The following CDKL5 variants were observed in gnomAD, a reference collection of about 807,000 sequenced individuals.
The protein encoded by CDKL5 is cyclin dependent kinase like 5.
A neutral mutation model predicts 61.7 loss-of-function variants in CDKL5; 8 were observed. That is an observed-to-expected ratio of 0.13 (90% CI 0.08 to 0.23). CDKL5 has a LOEUF of 0.23. CDKL5 is among the 10% of genes least tolerant of loss of function. The pLI, the probability that CDKL5 is intolerant of heterozygous loss-of-function variation, is 1.00. For synonymous variants in CDKL5, 275 were observed against 272.3 expected (o/e 1.01, Z -0.10); for missense variants, 440 against 734.5 (o/e 0.60, Z 4.63).
intron 1 of CDKL5, among the ~76,000 whole-genome samples, chrX:18,497,114 T>C (rs1287542366): frequency 9.1e-6 from 1 of 110,094 alleles, no homozygotes; most frequent in Non-Finnish European, 1.9e-5. Context: ...TGCCTCAGCC[T>C]CCCGAGTAGC....
chrX:18,487,919 G>A (rs1322420229), intron 1 of CDKL5, among the ~76,000 whole-genome samples: 1 of 110,775 alleles, frequency 9.0e-6, no homozygotes, highest in Non-Finnish European at 1.9e-5. Flanking sequence ...CCGTCTCGGG[G>A]GAAGAAAAAA....
Position 18,635,318 on chromosome X carries a change from T to C in CDKL5, c.*6561T>C, listed in dbSNP as rs1569226866. 1 of 748,462 alleles carries C rather than the reference T, an allele frequency of 1.3e-6. No homozygotes were observed. The highest frequency in any genetic ancestry group is 1.6e-6 in the Non-Finnish European group (1 of 635,319). The allele number at this position is 748,462 out of a possible 1,213,427, so 61.7% of individuals were successfully genotyped here. A position where few individuals can be genotyped will look rare whatever the true frequency, so the allele number is the denominator to read the frequency against. On this transcript the variant is annotated 3_prime_UTR_variant, in exon 18 of 18. Transcript: ENST00000623535. ...ACCTTCATTATCAGCATGAAATGGT[T>C]AATTTTTACTGAGCACAATGTATTT... is the stretch of plus-strand genomic sequence containing the variant.
At chrX:18,583,785 C>T (rs1444035760) in intron 7 of CDKL5, among the ~76,000 whole-genome samples, 3 of 111,871 alleles carry the variant, frequency 2.7e-5, no homozygotes, top group African/African-American at 9.8e-5. Context: ...GTTTCCATCA[C>T]TGTTTATGTA....
In CDKL5 at chrX:18,648,126, C is replaced by T. The variant is rs906884824; in HGVS notation, c.2797+2036C>T. ...CTGAGGCAGGAGAATCGCTTGAACC[C>T]GGGAGGCAGAGGTTTCAGTGAGCCG... is the stretch of plus-strand genomic sequence containing the variant. On this transcript the variant is annotated intron_variant, in intron 20 of 21. Transcript: ENST00000379989. 8.1e-5 allele frequency among the ~76,000 whole-genome samples: 9 copies of T among 111,317 alleles called. 1 individual carries two copies. The East Asian group carries it at 1.7e-3, about 21-fold the overall frequency.
chrX:18,518,390 T>C (rs1923116554), intron 3 of CDKL5, among the ~76,000 whole-genome samples: 1 of 34,687 alleles, frequency 2.9e-5, no homozygotes, highest in African/African-American at 1.8e-4. Flanking sequence ...CTTTTCTTAT[T>C]TTTTTTTTTT....
intron 8 of CDKL5, among the ~76,000 whole-genome samples, chrX:18,586,131 A>C (rs2147146750): frequency 8.9e-6 from 1 of 111,922 alleles, no homozygotes; most frequent in African/African-American, 3.2e-5. Context: ...TGAAAAACAA[A>C]GATGCTTAGT....
chrX:18,458,891 T>G (rs1932212074), intron 1 of CDKL5, among the ~76,000 whole-genome samples: 1 of 111,952 alleles, frequency 8.9e-6, no homozygotes, highest in African/African-American at 3.2e-5. Flanking sequence ...TAGAATGTGG[T>G]TCCACAGTTG....
At chrX:18,624,504 C>T (rs1030556784) in intron 16 of CDKL5, among the ~76,000 whole-genome samples, 2 of 112,008 alleles carry the variant, frequency 1.8e-5, no homozygotes, top group African/African-American at 6.5e-5. Flanking sequence ...TGGCATTTGA[C>T]ATTACTCTTC....
At chrX:18,475,856 A>G (rs1315947453) in intron 1 of CDKL5, among the ~76,000 whole-genome samples, 1 of 112,011 alleles carries the variant, frequency 8.9e-6, no homozygotes, top group African/African-American at 3.2e-5. Flanking sequence ...GAATTTTAAA[A>G]ATACATTGTA....
At chrX:18,626,544 T>G (rs1014482826) in intron 17 of CDKL5, among the ~76,000 whole-genome samples, 2 of 110,348 alleles carry the variant, frequency 1.8e-5, no homozygotes, top group African/African-American at 6.6e-5. Context: ...GTATGCAAAC[T>G]AAAGAGACAA....
chrX:18,611,767 G>A (rs931237445), intron 14 of CDKL5, among the ~76,000 whole-genome samples: 11 of 111,539 alleles, frequency 9.9e-5, no homozygotes, highest in African/African-American at 2.3e-4. Context: ...CTTGGCAGGT[G>A]GAATGTTTTA....
intron 1 of CDKL5, among the ~76,000 whole-genome samples, chrX:18,502,299 G>C (rs368931207): frequency 8.9e-6 from 1 of 112,386 alleles, no homozygotes; most frequent in South Asian, 3.7e-4. Flanking sequence ...GAAAACATGG[G>C]AGGCAGTCAG....
rs770086269 is a variant in CDKL5, at chrX:18,525,850, G to A, written c.99+14996G>A. Among the ~76,000 whole-genome samples, 23 of 106,906 alleles carry A rather than the reference G, an allele frequency of 2.2e-4. No homozygotes were observed. In the East Asian group the frequency reaches 3.0e-3, roughly 14 times the overall value. The allele number at this position is 106,906 out of a possible 115,157, so 92.8% of individuals were successfully genotyped here. Reference sequence around the variant, plus strand: ...CAACCTCCGCCTCCTGGGCTCAAGCGCTTCTCCTGCCTCAGCCTCCCGAGT... The same window carrying A: ...CAACCTCCGCCTCCTGGGCTCAAGCACTTCTCCTGCCTCAGCCTCCCGAGT... On this transcript the variant is annotated intron_variant, in intron 3 of 17. Transcript: ENST00000623535.
intron 17 of CDKL5, chrX:18,627,157 A>G (rs1308631295): frequency 9.0e-6 from 1 of 111,474 alleles, no homozygotes; most frequent in Non-Finnish European, 1.9e-5. Context: ...TAGGGAGCAC[A>G]AAGCTTTCTT....
chrX:18,618,499 T>C (rs1926787267), intron 15 of CDKL5, among the ~76,000 whole-genome samples: 1 of 111,851 alleles, frequency 8.9e-6, no homozygotes, highest in African/African-American at 3.3e-5. Context: ...AGTGACTGAA[T>C]GCTGTGTCTT....
intron 3 of CDKL5, among the ~76,000 whole-genome samples, chrX:18,550,269 CGT>C (rs1924341200): frequency 9.0e-6 from 1 of 111,480 alleles, no homozygotes; most frequent in African/African-American, 3.3e-5. Context: ...GGGGTCCACG[CGT>C]ATAAGGAACC....
intron 3 of CDKL5, among the ~76,000 whole-genome samples, chrX:18,560,307 T>A (rs1458277860): frequency 9.0e-6 from 1 of 111,687 alleles, no homozygotes; most frequent in East Asian, 2.8e-4. Flanking sequence ...GTTTCCTGAC[T>A]TTTTAACAAT....
chrX:18,508,681 TTA>T (rs747997938), intron 2 of CDKL5, among the ~76,000 whole-genome samples: 30 of 105,322 alleles, frequency 2.8e-4, no homozygotes, highest in South Asian at 4.1e-4. Context: ...TACCAGACTG[TTA>T]TATATATATA....
chrX:18,551,887 C>G (rs1271618811), intron 3 of CDKL5, among the ~76,000 whole-genome samples: 1 of 108,986 alleles, frequency 9.2e-6, no homozygotes, highest in Non-Finnish European at 1.9e-5. Flanking sequence ...GCCACCACAC[C>G]CTTCCGAAAC....
Sources: gnomAD v4.1 joint callset for allele counts (sites outside exome capture counted in the v4.1 genomes callset) on GRCh38, gnomAD v4.1.1 for gene constraint, MANE v1.5 for transcripts, NCBI Gene and HGNC (gene_info 2026-07-23, HGNC 2026-07-21) for gene names.